ACVR1: variants seen among roughly 807,000 people sequenced by gnomAD.
ACVR1 encodes activin A receptor type 1.
In ACVR1, 38 loss-of-function variants were observed where a neutral mutation model predicts 57.1. The observed-to-expected ratio is 0.67, with a 90% CI of 0.51 to 0.87. The LOEUF is 0.87. Among genes scored for constraint, ACVR1 ranks in the 40% least tolerant of loss-of-function variants. ACVR1 has a pLI of 0.00. For missense variants in ACVR1, 463 were observed against 638.2 expected (o/e 0.73, Z 2.96); for synonymous variants, 212 against 228.1 (o/e 0.93, Z 0.63).
chr2:157,803,788 T>C lies in ACVR1; in HGVS notation c.-7-4288A>G, dbSNP rs77235407. 1.2e-3 allele frequency among the ~76,000 whole-genome samples: 181 copies of C among 152,212 alleles called. No individual in the cohort carries two copies. The East Asian group carries it at 0.021, about 18-fold the overall frequency. Reference sequence around the variant, plus strand: ...TGGTCTCAGAATCTCTTTAAACTCTTGAAAATTACTGAGAAGCGTGTGTAT... The same window carrying C: ...TGGTCTCAGAATCTCTTTAAACTCTCGAAAATTACTGAGAAGCGTGTGTAT... On this transcript the variant is annotated intron_variant, in intron 2 of 10. Coordinates refer to ENST00000434821, the MANE Select transcript of ACVR1 (RefSeq NM_001111067.4).
intron 3 of ACVR1, among the ~76,000 whole-genome samples, chr2:157,782,766 G>A (rs1281951269): frequency 1.3e-5 from 2 of 152,124 alleles, no homozygotes; most frequent in African/African-American, 4.8e-5. Flanking sequence ...GCAGAGAATT[G>A]AAAAGACTAT....
At chr2:157,839,939 G>T (rs1056537682) in intron 1 of ACVR1, among the ~76,000 whole-genome samples, 10 of 152,138 alleles carry the variant, frequency 6.6e-5, no homozygotes, top group South Asian at 2.1e-4. Context: ...CCTGAACTGG[G>T]TCTGGGATAC....
intron 3 of ACVR1, 80 bp from the exon 4 acceptor site, chr2:157,780,680 C>A: frequency 6.6e-7 from 1 of 1,509,240 alleles, no homozygotes. Context: ...GAGGGAATGA[C>A]CATTCCAAAC....
chr2:157,761,123 A>G (rs1432479348), intron 8 of ACVR1, 46 bp from the exon 9 acceptor site: 5 of 1,598,664 alleles, frequency 3.1e-6, no homozygotes, highest in East Asian at 2.2e-5. Flanking sequence ...TTCCTTTCTC[A>G]TAAGAGGCTG....
intron 1 of ACVR1, among the ~76,000 whole-genome samples, chr2:157,837,037 G>A (rs918186643): frequency 6.6e-5 from 10 of 152,148 alleles, no homozygotes; most frequent in African/African-American, 1.2e-4. Flanking sequence ...CGTTTCTCTC[G>A]CCTGTAAAAT....
chr2:157,817,516 T>C (rs1559074435), intron 2 of ACVR1, among the ~76,000 whole-genome samples: 4 of 152,298 alleles, frequency 2.6e-5, no homozygotes, highest in Middle Eastern at 6.8e-3. Context: ...CTGAGCCTAA[T>C]GTAAACTATT....
chr2:157,800,688 C>G (rs1252703790), intron 2 of ACVR1, among the ~76,000 whole-genome samples: 1 of 151,952 alleles, frequency 6.6e-6, no homozygotes, highest in Non-Finnish European at 1.5e-5. Context: ...GCATATGAAA[C>G]TTGAGGAAGA....
At chr2:157,856,769 G>A (rs1689549003) in intron 1 of ACVR1, among the ~76,000 whole-genome samples, 1 of 152,150 alleles carries the variant, frequency 6.6e-6, no homozygotes, top group South Asian at 2.1e-4. Context: ...GACAAAAATT[G>A]TGTATGTTTT....
chr2:157,848,240 T>C (rs1038065100), intron 1 of ACVR1, among the ~76,000 whole-genome samples: 3 of 152,204 alleles, frequency 2.0e-5, no homozygotes, highest in African/African-American at 7.2e-5. Context: ...CAACAGAATA[T>C]GGTGGAAGTG....
At chr2:157,793,075 G>C (rs1023114571) in intron 3 of ACVR1, among the ~76,000 whole-genome samples, 3 of 152,152 alleles carry the variant, frequency 2.0e-5, no homozygotes, top group Non-Finnish European at 4.4e-5. Flanking sequence ...TTTCAAGAGT[G>C]AAAGTGGCAT....
At chr2:157,835,697 A>C (rs1380084902) in intron 1 of ACVR1, among the ~76,000 whole-genome samples, 1 of 152,220 alleles carries the variant, frequency 6.6e-6, no homozygotes, top group African/African-American at 2.4e-5. Flanking sequence ...CAATACTCAC[A>C]ATGCACTGCA....
chr2:157,825,958 G>A (rs58452999), intron 1 of ACVR1, among the ~76,000 whole-genome samples: 1,608 of 152,246 alleles, frequency 0.011, 38 homozygotes, highest in African/African-American at 0.035. Flanking sequence ...CAGCTTTCAC[G>A]TGTGTACACC....
intron 3 of ACVR1, among the ~76,000 whole-genome samples, chr2:157,786,248 T>C (rs565066374): frequency 1.3e-5 from 2 of 152,366 alleles, no homozygotes. Context: ...ACCTTTCCTA[T>C]AGATTGTAAG....
At chr2:157,842,207 T>A (rs536227975) in intron 1 of ACVR1, among the ~76,000 whole-genome samples, 164 of 152,244 alleles carry the variant, frequency 1.1e-3, no homozygotes, top group Middle Eastern at 6.8e-3. Flanking sequence ...TTATACCATA[T>A]CATCTCCAGG....
At position 157,780,442 on chromosome 2, in the gene ACVR1, G is replaced by A; in HGVS notation, c.226C>T (p.Gln76Ter). 1 of 1,614,100 alleles carries A rather than the reference G, an allele frequency of 6.2e-7. No homozygotes were observed. Among genetic ancestry groups the A allele is most frequent in the Non-Finnish European group, 8.5e-7 (1 of 1,180,020 alleles). ...GGGGTCTTACAGGTCATCTTTCCCT[G>A]CTCATAAACCTGGAAGCAGCCTTTC... ...YQKGCFQVYE[Q>*]GKMTCKTPPS... Residue 76 changes from glutamine to a stop codon, truncating the protein, a stop_gained, in exon 4 of 11, where the codon CAG becomes TAG. Transcript: ENST00000434821. LOFTEE classifies it high-confidence loss of function.
intron 1 of ACVR1, among the ~76,000 whole-genome samples, chr2:157,834,652 T>C (rs929535762): frequency 6.6e-6 from 1 of 152,152 alleles, no homozygotes. Context: ...AATAAATAAA[T>C]ATATTCATAT....
At chr2:157,857,096 G>T (rs1006398420) in intron 1 of ACVR1, among the ~76,000 whole-genome samples, 1 of 152,168 alleles carries the variant, frequency 6.6e-6, no homozygotes, top group African/African-American at 2.4e-5. Context: ...TATTCAGGAG[G>T]CTGAAGTGGG....
intron 9 of ACVR1, among the ~76,000 whole-genome samples, chr2:157,751,393 G>A (rs1685186751): frequency 6.6e-6 from 1 of 152,218 alleles, no homozygotes; most frequent in Non-Finnish European, 1.5e-5. Flanking sequence ...AAGACCACGG[G>A]GAGATGGAAA....
chr2:157,792,927 T>G (rs192749855), intron 3 of ACVR1, among the ~76,000 whole-genome samples: 1 of 152,318 alleles, frequency 6.6e-6, no homozygotes, highest in East Asian at 1.9e-4. Flanking sequence ...TGAGTCACTA[T>G]GGCTATTAGG....
Sources: gnomAD v4.1 joint callset for allele counts (sites outside exome capture counted in the v4.1 genomes callset) on GRCh38, gnomAD v4.1.1 for gene constraint, MANE v1.5 for transcripts, NCBI Gene and HGNC (gene_info 2026-07-23, HGNC 2026-07-21) for gene names.